Variants in GPRC6A observed in about 807,000 individuals in gnomAD.
The protein encoded by GPRC6A is G protein-coupled receptor family C group 6 member A.
A neutral mutation model predicts 47.0 loss-of-function variants in GPRC6A; 54 were observed. The observed-to-expected ratio is 1.15, with a 90% CI of 0.92 to 1.44. The LOEUF is 1.44. Among genes scored for constraint, GPRC6A ranks in the 40% most tolerant of loss-of-function variants. The pLI is 0.00. For missense variants in GPRC6A, 1,112 were observed against 1,105.5 expected, an observed-to-expected ratio of 1.01 and a Z score of -0.08; for synonymous variants, 347 against 377.1, an observed-to-expected ratio of 0.92 and a Z score of 0.93.
At chr6:116,821,277 A>G (rs945937187) in intron 1 of GPRC6A, among the ~76,000 whole-genome samples, 32 of 152,156 alleles carry the variant, frequency 2.1e-4, no homozygotes, top group Non-Finnish European at 4.1e-4. Context: ...GAAAATGGCC[A>G]TACTGCCCAA....
At chr6:116,803,822 A>G (rs1322570829) in intron 3 of GPRC6A, among the ~76,000 whole-genome samples, 1 of 152,008 alleles carries the variant, frequency 6.6e-6, no homozygotes, top group Non-Finnish European at 1.5e-5. Context: ...TGTTCTCTGA[A>G]TTGTTAATAC....
At chr6:116,807,990 C>T (rs1045143278) in intron 2 of GPRC6A, among the ~76,000 whole-genome samples, 10 of 150,366 alleles carry the variant, frequency 6.7e-5, no homozygotes, top group Non-Finnish European at 1.5e-4. Flanking sequence ...TCTTTTCTTT[C>T]GTTCCTTCTT....
intron 1 of GPRC6A, among the ~76,000 whole-genome samples, chr6:116,821,658 T>C (rs1400428072): frequency 2.0e-5 from 3 of 152,086 alleles, no homozygotes; most frequent in Non-Finnish European, 4.4e-5. Context: ...GCTAGCCATA[T>C]GTAGAAAGCT....
At chr6:116,827,558 G>T (rs1340640028) in intron 1 of GPRC6A, among the ~76,000 whole-genome samples, 1 of 151,790 alleles carries the variant, frequency 6.6e-6, no homozygotes, top group East Asian at 1.9e-4. Context: ...CATTTCTCTT[G>T]ATGAGTGACA....
At chr6:116,817,616 G>A (rs547591933) in intron 1 of GPRC6A, among the ~76,000 whole-genome samples, 1 of 152,168 alleles carries the variant, frequency 6.6e-6, no homozygotes, top group African/African-American at 2.4e-5. Flanking sequence ...CAAAGGCAAA[G>A]AAGTTGAAAA....
In GPRC6A at chr6:116,792,857, C is replaced by G; in HGVS notation, c.2066G>C (p.Ser689Thr). The stretch of plus-strand genomic sequence containing the variant: ...AAATTTCTGTAATTTGGGATCAAAG[C>G]TGAAGGCTAGCAAAATTTTCAGAGA... ...TKSLKILLAF[S>T]FDPKLQKFLK... Residue 689 changes from serine (S) to threonine (T), a missense_variant, in exon 6 of 6, where the codon AGC becomes ACC. Coordinates refer to ENST00000310357, the MANE Select transcript of GPRC6A (RefSeq NM_148963.4). 6.2e-7 allele frequency: 1 copy of G among 1,614,058 alleles called. No homozygotes were observed. The highest frequency in any genetic ancestry group is 8.5e-7 in the Non-Finnish European group (1 of 1,179,982).
At position 116,793,106 on chromosome 6, in the gene GPRC6A, A is replaced by G. The variant is rs533664775; in HGVS notation, c.1817T>C (p.Ile606Thr). 2.0e-4 allele frequency: 325 copies of G among 1,614,006 alleles called. 5 individuals carry two copies. In the South Asian group the frequency reaches 3.3e-3, roughly 16 times the overall value. Reference protein sequence around the residue: ...LLLILSLLGIIFVLVVGIIFT... With the variant: ...LLLILSLLGITFVLVVGIIFT... ...TATTATGCCAACAACCAGAACAAAT[A>G]TGATTCCCAGTAGGGAGAGAATCAG... The change falls in exon 6 of 6, where the codon ATA becomes ACA. Residue 606 changes from isoleucine to threonine, a missense_variant. Physicochemically the swap from Ile to Thr is moderately conservative, Grantham distance 89 (BLOSUM62 -1). Transcript: ENST00000310357.
intron 1 of GPRC6A, among the ~76,000 whole-genome samples, chr6:116,822,994 T>C (rs549225272): frequency 6.6e-6 from 1 of 152,162 alleles, no homozygotes; most frequent in Admixed American, 6.6e-5. Flanking sequence ...TGAAATTCCT[T>C]TGAAGTCTTC....
At position 116,822,014 on chromosome 6, in the gene GPRC6A, G is replaced by GA. The variant is rs1279792011; in HGVS notation, c.194+6805dup. ...ACAATGAACTCAAACAAATTTACAA[G>GA]AAAAAAACGAACAACCCCATCAAAA... On this transcript the variant is annotated intron_variant, in intron 1 of 5. Coordinates refer to ENST00000310357, the MANE Select transcript of GPRC6A (RefSeq NM_148963.4). Among the ~76,000 whole-genome samples the GA allele has an allele frequency of 4.2e-5, 6 of 141,380 alleles. 1 individual carries two copies. The highest frequency in any genetic ancestry group is 7.6e-5 in the Non-Finnish European group (5 of 65,786). 92.8% of individuals were successfully genotyped at this position (141,380 alleles called of 152,430 possible).
chr6:116,800,870 C>A (rs929896886), intron 3 of GPRC6A, 74 bp from the exon 4 acceptor site: 7 of 857,634 alleles, frequency 8.2e-6, no homozygotes, highest in Middle Eastern at 3.2e-4. Context: ...AATGATAACA[C>A]TGCCTTATAA....
intron 2 of GPRC6A, among the ~76,000 whole-genome samples, chr6:116,808,628 C>T (rs776080650): frequency 6.6e-6 from 1 of 152,052 alleles, no homozygotes; most frequent in Non-Finnish European, 1.5e-5. Context: ...TTTCTGTCTG[C>T]TCACTTCTAT....
intron 1 of GPRC6A, among the ~76,000 whole-genome samples, chr6:116,818,376 T>C (rs1582474679): frequency 6.9e-6 from 1 of 145,454 alleles, no homozygotes; most frequent in African/African-American, 2.5e-5. Context: ...CTACTAAAAA[T>C]ACAAAAAATT....
At chr6:116,808,438 G>A (rs1220741160) in intron 2 of GPRC6A, among the ~76,000 whole-genome samples, 1 of 152,050 alleles carries the variant, frequency 6.6e-6, no homozygotes, top group Non-Finnish European at 1.5e-5. Flanking sequence ...TATCTTTGAT[G>A]TATTTGATAA....
intron 1 of GPRC6A, among the ~76,000 whole-genome samples, chr6:116,823,425 G>A (rs1281720229): frequency 1.3e-5 from 2 of 151,996 alleles, no homozygotes; most frequent in African/African-American, 2.4e-5. Flanking sequence ...ATCTCCATTT[G>A]AGACCTCTTC....
intron 1 of GPRC6A, among the ~76,000 whole-genome samples, chr6:116,828,223 C>G (rs1382383983): frequency 6.6e-6 from 1 of 152,146 alleles, no homozygotes; most frequent in African/African-American, 2.4e-5. Flanking sequence ...TTCCACCCAG[C>G]TTTACTTTTC....
chr6:116,818,795 T>C (rs1486374098), intron 1 of GPRC6A, among the ~76,000 whole-genome samples: 2 of 149,382 alleles, frequency 1.3e-5, no homozygotes, highest in African/African-American at 4.9e-5. Flanking sequence ...AGAAACTGCA[T>C]CAACTAACGA....
chr6:116,816,452 A>T (rs1773209320), intron 1 of GPRC6A, among the ~76,000 whole-genome samples: 1 of 152,214 alleles, frequency 6.6e-6, no homozygotes, highest in Non-Finnish European at 1.5e-5. Context: ...ATGCTGGTAC[A>T]AGCTGAAGCT....
At chr6:116,796,905 T>C (rs892184781) in intron 4 of GPRC6A, among the ~76,000 whole-genome samples, 4 of 152,168 alleles carry the variant, frequency 2.6e-5, no homozygotes, top group Non-Finnish European at 4.4e-5. Context: ...TATTATACTT[T>C]AAGTTTTAGG....
chr6:116,806,949 AT>A lies in GPRC6A; in HGVS notation c.755del (p.Asn252IlefsTer11), dbSNP rs541388721. 7 of 1,613,442 alleles carry A rather than the reference AT, an allele frequency of 4.3e-6. No homozygotes were observed. Among genetic ancestry groups the A allele is most frequent in the Non-Finnish European group, 5.9e-6 (7 of 1,179,696 alleles). On this transcript the variant is annotated frameshift_variant, in exon 3 of 6. Coordinates refer to ENST00000310357, the MANE Select transcript of GPRC6A (RefSeq NM_148963.4). LOFTEE classifies it high-confidence loss of function. The part of the protein sequence containing the change: ...KEVLPAFLSD[N>X]TIEVRINRTL... ...TCCGATTGATTCTGACTTCAATGGT[AT>A]TATCTGAAAGAAAGGCTGGAAGAAC...
Sources: allele counts gnomAD v4.1 joint callset (sites outside exome capture counted in the v4.1 genomes callset), GRCh38; gene constraint gnomAD v4.1.1; transcripts MANE v1.5; gene names NCBI Gene and HGNC (gene_info 2026-07-23, HGNC 2026-07-21).